Variants in CLIC2 observed in about 807,000 individuals in gnomAD.
CLIC2 encodes the protein CLIC family member 2.
Under a neutral mutation model 14.8 loss-of-function variants are expected in CLIC2, and 9 were observed. That is an observed-to-expected ratio of 0.61 (90% CI 0.37 to 1.06). The LOEUF is 1.06. Among genes scored for constraint, CLIC2 ranks in the 50% least tolerant of loss-of-function variants. The probability of loss-of-function intolerance (pLI) is 0.01; values close to 1 mark genes in which losing one functional copy is unlikely to be tolerated. For missense variants in CLIC2, 148 were observed against 181.4 expected (o/e 0.82, Z 1.06); for synonymous variants, 61 against 66.3 (o/e 0.92, Z 0.39).
intron 3 of CLIC2, among the ~76,000 whole-genome samples, chrX:155,287,995 A>AT (rs1447905277): frequency 2.7e-5 from 3 of 111,072 alleles, no homozygotes. Context: ...CAGGTATTTT[A>AT]TTTTTTTGTG....
At chrX:155,282,013 C>T (rs782378474) in intron 3 of CLIC2, among the ~76,000 whole-genome samples, 1 of 111,071 alleles carries the variant, frequency 9.0e-6, no homozygotes, top group East Asian at 2.8e-4. Flanking sequence ...ATTACAGTAG[C>T]CTATAAGGAT....
intron 1 of CLIC2, among the ~76,000 whole-genome samples, chrX:155,316,161 A>G (rs1557321058): frequency 9.0e-6 from 1 of 111,705 alleles, no homozygotes; most frequent in African/African-American, 3.3e-5. Context: ...TAACACAATA[A>G]TAGTGGGGGA....
intron 1 of CLIC2, among the ~76,000 whole-genome samples, chrX:155,334,048 G>A (rs782660386): frequency 2.7e-5 from 3 of 110,559 alleles, no homozygotes; most frequent in Non-Finnish European, 3.8e-5. Flanking sequence ...TTGTATAGAT[G>A]GAGAAAAAAA....
At chrX:155,301,515 C>T (rs1340651334) in intron 1 of CLIC2, among the ~76,000 whole-genome samples, 3 of 106,071 alleles carry the variant, frequency 2.8e-5, no homozygotes, top group African/African-American at 1.0e-4. Flanking sequence ...ACAATCATGT[C>T]GTCTGCACAC....
At chrX:155,311,805 A>G (rs1477645713) in intron 1 of CLIC2, among the ~76,000 whole-genome samples, 1 of 111,807 alleles carries the variant, frequency 8.9e-6, no homozygotes, top group African/African-American at 3.3e-5. Flanking sequence ...TGAAAGGCAC[A>G]TCTCACATGG....
chrX:155,279,335 G>A lies in CLIC2; in HGVS notation c.401-5C>T. On this transcript the variant is annotated splice_polypyrimidine_tract_variant and splice_region_variant and intron_variant, in intron 4 of 5. Transcript: ENST00000369449. ...TGAGCAGAGATTTTTCAAAATCTGAGGCAATGAAGTAATAGAGTTACTTGT... is the reference window on the plus strand; with the variant it reads ...TGAGCAGAGATTTTTCAAAATCTGAAGCAATGAAGTAATAGAGTTACTTGT... 1 of 1,181,151 alleles carries A rather than the reference G, an allele frequency of 8.5e-7. No homozygotes were observed. The highest frequency in any genetic ancestry group is 2.2e-5 in the Admixed American group (1 of 45,991).
intron 1 of CLIC2, among the ~76,000 whole-genome samples, chrX:155,320,286 G>C (rs974710547): frequency 8.9e-6 from 1 of 112,079 alleles, no homozygotes; most frequent in Non-Finnish European, 1.9e-5. Flanking sequence ...TGCAGGGGTC[G>C]ACAGACCCCT....
chrX:155,291,219 T>C, intron 3 of CLIC2: 1 of 973,734 alleles, frequency 1.0e-6, no homozygotes, highest in Non-Finnish European at 1.5e-6. Context: ...AAAGGAATCA[T>C]AATCGTTATC....
At chrX:155,300,184 G>A (rs1246535526) in intron 1 of CLIC2, among the ~76,000 whole-genome samples, 1 of 109,620 alleles carries the variant, frequency 9.1e-6, no homozygotes, top group African/African-American at 3.3e-5. Flanking sequence ...CTAGTTTACA[G>A]TCCCACCAAC....
At chrX:155,290,002 G>A (rs1335017345) in intron 3 of CLIC2, among the ~76,000 whole-genome samples, 2 of 111,643 alleles carry the variant, frequency 1.8e-5, no homozygotes, top group Non-Finnish European at 3.8e-5. Flanking sequence ...ATATTTTAAG[G>A]TCTTTCTGTC....
rs146598131 is a variant in CLIC2 at position 155,315,044 on chromosome X, C to G, written c.58-15899G>C. ...AGGCTTTCAAATTAACTGAATCCCT[C>G]AAAGACAAAGAAAAAAATAATTAAA... is the stretch of plus-strand genomic sequence containing the variant. On this transcript the variant is annotated intron_variant, in intron 1 of 5. Transcript: ENST00000369449. 2.3e-4 allele frequency among the ~76,000 whole-genome samples: 25 copies of G among 111,024 alleles called. No individual in the cohort carries two copies. The East Asian group carries it at 6.5e-3, about 29-fold the overall frequency.
chrX:155,293,304 C>A (rs1225900438), intron 3 of CLIC2: 30 of 1,075,749 alleles, frequency 2.8e-5, no homozygotes, highest in African/African-American at 3.7e-5. Flanking sequence ...GGTACAAGCC[C>A]AAAGTCATTC....
intron 1 of CLIC2, among the ~76,000 whole-genome samples, chrX:155,320,177 G>C (rs1313582710): frequency 1.8e-5 from 2 of 112,518 alleles, no homozygotes; most frequent in African/African-American, 3.2e-5. Flanking sequence ...AAAGAGAGCA[G>C]TGGATCTCCC....
intron 1 of CLIC2, among the ~76,000 whole-genome samples, chrX:155,312,099 A>T (rs1311311158): frequency 2.7e-5 from 3 of 111,810 alleles, no homozygotes; most frequent in African/African-American, 9.7e-5. Flanking sequence ...TAAAATGATC[A>T]TTCATTCTGT....
At chrX:155,280,105 T>G in intron 3 of CLIC2, 37 bp from the exon 4 acceptor site, 1 of 969,320 alleles carries the variant, frequency 1.0e-6, no homozygotes, top group Non-Finnish European at 1.5e-6. Flanking sequence ...CATTTGCACA[T>G]AACATGACAG....
intron 3 of CLIC2, among the ~76,000 whole-genome samples, chrX:155,282,180 C>T (rs1557316576): frequency 1.1e-4 from 12 of 111,984 alleles, no homozygotes. Flanking sequence ...GACACATGGA[C>T]ATCCCTTGCT....
chrX:155,314,662 A>G (rs928673158), intron 1 of CLIC2, among the ~76,000 whole-genome samples: 9 of 111,755 alleles, frequency 8.1e-5, no homozygotes, highest in Non-Finnish European at 1.1e-4. Flanking sequence ...ACAACAAAAC[A>G]AGGTAATTTA....
intron 1 of CLIC2, among the ~76,000 whole-genome samples, chrX:155,321,724 T>A (rs1557321671): frequency 9.0e-6 from 1 of 111,524 alleles, no homozygotes; most frequent in African/African-American, 3.3e-5. Context: ...TAACCTTGAA[T>A]ATAAATGGGC....
Position 155,334,603 on chromosome X carries a change from A to G in CLIC2, c.-176T>C. 4 of 460,966 alleles carry G rather than the reference A, an allele frequency of 8.7e-6. No individual in the cohort carries two copies. Among genetic ancestry groups the G allele is most frequent in the Non-Finnish European group, 1.6e-5 (4 of 257,860 alleles). 38.0% of individuals were successfully genotyped at this position (460,966 alleles called of 1,213,427 possible). The stretch of plus-strand genomic sequence containing the variant: ...CCAGTCTCTTCTCTCAAGAGGTGTG[A>G]CGCAGAAAATTCTAGATGCTTAAGT... On this transcript the variant is annotated 5_prime_UTR_variant, in exon 1 of 6. Transcript: ENST00000369449.
Sources: allele counts gnomAD v4.1 joint callset (sites outside exome capture counted in the v4.1 genomes callset), GRCh38; gene constraint gnomAD v4.1.1; transcripts MANE v1.5; gene names NCBI Gene and HGNC (gene_info 2026-07-23, HGNC 2026-07-21).